Variants in HPSE2 observed in about 807,000 individuals in gnomAD.
HPSE2 encodes the protein inactive heparanase-2.
In HPSE2, 38 loss-of-function variants were observed where a neutral mutation model predicts 60.5. That is an observed-to-expected ratio of 0.63 (90% CI 0.48 to 0.82). The LOEUF (loss-of-function observed/expected upper bound fraction) is 0.82, where lower values mean the gene tolerates loss of function less well. HPSE2 is among the 40% of genes least tolerant of loss of function. The pLI is 0.00. For synonymous variants in HPSE2, 295 were observed against 293.2 expected, an observed-to-expected ratio of 1.01 and a Z score of -0.06; for missense variants, 713 against 740.4, an observed-to-expected ratio of 0.96 and a Z score of 0.43.
intron 3 of HPSE2, among the ~76,000 whole-genome samples, chr10:99,094,973 A>C (rs377535566): frequency 6.6e-6 from 1 of 152,080 alleles, no homozygotes; most frequent in African/African-American, 2.4e-5. Context: ...GGATCGCTTG[A>C]GGTCAGGAGT....
chr10:98,609,824 GTTCTTC>G (rs1260928934), intron 9 of HPSE2, among the ~76,000 whole-genome samples: 1 of 142,280 alleles, frequency 7.0e-6, no homozygotes. Flanking sequence ...ATTAGGTGGT[GTTCTTC>G]TTCTTCTTCT....
intron 3 of HPSE2, among the ~76,000 whole-genome samples, chr10:98,810,176 A>G (rs1312989136): frequency 6.6e-6 from 1 of 152,100 alleles, no homozygotes; most frequent in African/African-American, 2.4e-5. Flanking sequence ...AATCTGGATC[A>G]GGTGTCTTCC....
At chr10:98,578,365 A>G (rs1481642478) in intron 9 of HPSE2, among the ~76,000 whole-genome samples, 1 of 139,628 alleles carries the variant, frequency 7.2e-6, no homozygotes, top group Middle Eastern at 3.4e-3. Flanking sequence ...ACTTTCAACC[A>G]ACTATTTCCA....
At chr10:98,921,204 A>G (rs999839536) in intron 3 of HPSE2, among the ~76,000 whole-genome samples, 3 of 152,206 alleles carry the variant, frequency 2.0e-5, no homozygotes, top group Non-Finnish European at 2.9e-5. Context: ...GCCAAGGCAG[A>G]TGAAGCATTT....
chr10:99,143,158 G>T (rs1845924626), intron 3 of HPSE2, among the ~76,000 whole-genome samples: 1 of 152,018 alleles, frequency 6.6e-6, no homozygotes, highest in South Asian at 2.1e-4. Context: ...AAAAAACAGG[G>T]CCTATACTTA....
chr10:98,598,219 G>A (rs986445088), intron 9 of HPSE2, among the ~76,000 whole-genome samples: 1 of 152,094 alleles, frequency 6.6e-6, no homozygotes, highest in Non-Finnish European at 1.5e-5. Context: ...GCTGCAGAGT[G>A]GCTTTACCAG....
intron 3 of HPSE2, among the ~76,000 whole-genome samples, chr10:98,852,134 T>A (rs1404980829): frequency 7.3e-6 from 1 of 137,626 alleles, no homozygotes; most frequent in Non-Finnish European, 1.6e-5. Context: ...TGTGTGTGTG[T>A]GTGTGTGTGT....
intron 9 of HPSE2, among the ~76,000 whole-genome samples, chr10:98,509,747 G>T (rs759144254): frequency 6.6e-6 from 1 of 152,152 alleles, no homozygotes; most frequent in African/African-American, 2.4e-5. Context: ...TGATCCACCC[G>T]CCTCAGCCTC....
chr10:98,994,795 T>C (rs1956606501), intron 3 of HPSE2, among the ~76,000 whole-genome samples: 1 of 152,124 alleles, frequency 6.6e-6, no homozygotes, highest in South Asian at 2.1e-4. Flanking sequence ...AGCAACCTGT[T>C]GTAGGGTAGT....
chr10:98,514,074 A>G (rs1942510416), intron 9 of HPSE2, among the ~76,000 whole-genome samples: 1 of 152,192 alleles, frequency 6.6e-6, no homozygotes, highest in Admixed American at 6.5e-5. Flanking sequence ...ATATACATAC[A>G]TAAATGGAAT....
At chr10:98,725,512 G>A (rs1052030302) in intron 4 of HPSE2, among the ~76,000 whole-genome samples, 8 of 152,250 alleles carry the variant, frequency 5.3e-5, no homozygotes, top group African/African-American at 1.7e-4. Flanking sequence ...AGACTTAAAT[G>A]TTAGACCTAA....
intron 6 of HPSE2, among the ~76,000 whole-genome samples, chr10:98,658,545 TAATC>T (rs1171406498): frequency 2.0e-5 from 3 of 151,498 alleles, no homozygotes; most frequent in African/African-American, 4.8e-5. Context: ...AAAATCCAAT[TAATC>T]AATCTTTTTT....
intron 3 of HPSE2, among the ~76,000 whole-genome samples, chr10:98,904,858 T>A (rs1953765316): frequency 1.3e-5 from 2 of 152,166 alleles, no homozygotes; most frequent in Admixed American, 1.3e-4. Context: ...GACAAACAAT[T>A]TAAAATATAA....
chr10:98,472,853 A>G (rs1467139120), intron 11 of HPSE2, among the ~76,000 whole-genome samples: 2 of 152,226 alleles, frequency 1.3e-5, no homozygotes, highest in Non-Finnish European at 2.9e-5. Flanking sequence ...CAAATAAAAT[A>G]CTAGAGAAAA....
chr10:98,865,959 C>T (rs1311123300), intron 3 of HPSE2, among the ~76,000 whole-genome samples: 2 of 151,934 alleles, frequency 1.3e-5, no homozygotes, highest in Non-Finnish European at 2.9e-5. Context: ...TAGCTCAGAA[C>T]AATACAAAAA....
chr10:99,132,214 AGAG>A (rs1845452360), intron 3 of HPSE2, among the ~76,000 whole-genome samples: 3 of 32,614 alleles, frequency 9.2e-5, no homozygotes, highest in African/African-American at 1.6e-4. Context: ...AGAGAGAGAG[AGAG>A]AGAGAGAGAG....
chr10:98,900,371 T>C (rs1174187347), intron 3 of HPSE2, among the ~76,000 whole-genome samples: 1 of 151,986 alleles, frequency 6.6e-6, no homozygotes, highest in African/African-American at 2.4e-5. Flanking sequence ...TACAAACTAA[T>C]ATATAGTGAT....
intron 2 of HPSE2, among the ~76,000 whole-genome samples, chr10:99,164,302 T>A (rs1846978480): frequency 1.4e-5 from 2 of 138,774 alleles, no homozygotes; most frequent in Admixed American, 7.5e-5. Context: ...AATGTTATTT[T>A]ATTAAGCCAC....
chr10:98,731,554 A>C (rs1949228500), intron 4 of HPSE2, among the ~76,000 whole-genome samples: 1 of 152,160 alleles, frequency 6.6e-6, no homozygotes, highest in Non-Finnish European at 1.5e-5. Context: ...CACCACCAAA[A>C]CTCATCTGAC....
Sources: allele counts gnomAD v4.1 joint callset (sites outside exome capture counted in the v4.1 genomes callset), GRCh38; gene constraint gnomAD v4.1.1; transcripts MANE v1.5; gene names NCBI Gene and HGNC (gene_info 2026-07-23, HGNC 2026-07-21).